ERBB4: variants seen among roughly 807,000 people sequenced by gnomAD.
ERBB4 encodes erb-b2 receptor tyrosine kinase 4, also known as receptor tyrosine-protein kinase erbB-4.
ERBB4 carries 42 observed loss-of-function variants against 158.0 expected under a neutral mutation model. The ratio of observed to expected loss-of-function variants is 0.27; its 90% confidence interval spans 0.21 to 0.34. The LOEUF (loss-of-function observed/expected upper bound fraction) is 0.34. ERBB4 is among the 10% of genes least tolerant of loss of function. The pLI is 1.00. For synonymous variants in ERBB4, 583 were observed against 558.7 expected (o/e 1.04, Z -0.61); for missense variants, 1,333 against 1,624.1 (o/e 0.82, Z 3.08).
intron 3 of ERBB4, among the ~76,000 whole-genome samples, chr2:211,852,021 A>G (rs968591667): frequency 1.3e-5 from 2 of 151,970 alleles, no homozygotes; most frequent in South Asian, 2.1e-4. Flanking sequence ...AAGCTTCAAC[A>G]TGAATTTATA....
At chr2:211,526,577 C>G (rs112621582) in intron 20 of ERBB4, among the ~76,000 whole-genome samples, 1 of 151,972 alleles carries the variant, frequency 6.6e-6, no homozygotes, top group Admixed American at 6.6e-5. Context: ...AGACAGTGAT[C>G]CCACCAAATA....
chr2:212,513,214 T>C (rs939477070), intron 1 of ERBB4, among the ~76,000 whole-genome samples: 3 of 152,324 alleles, frequency 2.0e-5, no homozygotes, highest in South Asian at 4.1e-4. Flanking sequence ...TTTACTGGTA[T>C]GGAAGTAGCC....
At chr2:211,764,753 G>A (rs1316903693) in intron 4 of ERBB4, among the ~76,000 whole-genome samples, 4 of 151,464 alleles carry the variant, frequency 2.6e-5, no homozygotes, top group African/African-American at 9.7e-5. Context: ...AAGGAGGGAA[G>A]AGCACCCAAA....
At chr2:211,949,338 T>C (rs1286319834) in intron 2 of ERBB4, among the ~76,000 whole-genome samples, 4 of 152,196 alleles carry the variant, frequency 2.6e-5, no homozygotes, top group Non-Finnish European at 5.9e-5. Flanking sequence ...AAAATACTTT[T>C]ACTGATGTAT....
Position 211,954,719 on chromosome 2 carries a change from G to A in ERBB4, c.235-7103C>T, listed in dbSNP as rs1394981827. On this transcript the variant is annotated intron_variant, in intron 2 of 27. Transcript: ENST00000342788. The stretch of plus-strand genomic sequence containing the variant: ...CTGCAGAATTTATGTGTTCTCTGAC[G>A]GTGACAAATGTAGTAGCAAATTGTA... Among the ~76,000 whole-genome samples the A allele has an allele frequency of 2.0e-5, 3 of 151,940 alleles. No individual in the cohort carries two copies. In the Admixed American group the frequency reaches 2.0e-4, roughly 10 times the overall value.
intron 27 of ERBB4, among the ~76,000 whole-genome samples, chr2:211,386,140 C>G (rs1289525338): frequency 6.6e-6 from 1 of 152,154 alleles, no homozygotes; most frequent in East Asian, 1.9e-4. Flanking sequence ...TCTATCTTCT[C>G]TGTTGTGATA....
chr2:212,402,924 T>C (rs1285509223), intron 1 of ERBB4, among the ~76,000 whole-genome samples: 1 of 152,140 alleles, frequency 6.6e-6, no homozygotes, highest in Non-Finnish European at 1.5e-5. Context: ...TACCAGCATA[T>C]GTACTTTGTT....
At chr2:211,978,396 G>GTCTTTCTATCTATCTA (rs77259627) in intron 2 of ERBB4, among the ~76,000 whole-genome samples, 2,885 of 136,632 alleles carry the variant, frequency 0.021, 51 homozygotes, top group African/African-American at 0.042. Context: ...CTGTCTGTCT[G>GTCTTTCTATCTATCTA]TCTATCTATC....
intron 5 of ERBB4, among the ~76,000 whole-genome samples, chr2:211,727,913 T>C (rs1187721680): frequency 1.3e-5 from 2 of 151,974 alleles, no homozygotes; most frequent in African/African-American, 2.4e-5. Context: ...ATAGAAGATT[T>C]GGAAAATAAT....
intron 2 of ERBB4, among the ~76,000 whole-genome samples, chr2:212,120,891 A>G (rs1575662395): frequency 6.6e-6 from 1 of 152,298 alleles, no homozygotes; most frequent in East Asian, 1.9e-4. Flanking sequence ...TTTGAAACTT[A>G]TAGGAAATAA....
chr2:212,391,731 A>AATAT (rs1491226833), intron 1 of ERBB4, among the ~76,000 whole-genome samples: 32 of 139,606 alleles, frequency 2.3e-4, no homozygotes, highest in African/African-American at 8.9e-4. Flanking sequence ...TATTATATAT[A>AATAT]TGACATATAT....
At chr2:212,522,800 G>A (rs1282750134) in intron 1 of ERBB4, among the ~76,000 whole-genome samples, 1 of 151,976 alleles carries the variant, frequency 6.6e-6, no homozygotes, top group East Asian at 1.9e-4. Flanking sequence ...ACATAACTGA[G>A]TCTCATTTTC....
At chr2:211,962,939 C>A (rs898887436) in intron 2 of ERBB4, among the ~76,000 whole-genome samples, 1 of 152,078 alleles carries the variant, frequency 6.6e-6, no homozygotes, top group African/African-American at 2.4e-5. Flanking sequence ...TTCTTTTTTA[C>A]AAATTCTTTT....
chr2:211,701,526 G>A (rs945610892), intron 12 of ERBB4, among the ~76,000 whole-genome samples: 1 of 151,822 alleles, frequency 6.6e-6, no homozygotes, highest in African/African-American at 2.4e-5. Context: ...GGAGGCCAAG[G>A]TGGGCGGATC....
intron 16 of ERBB4, among the ~76,000 whole-genome samples, chr2:211,642,371 C>T (rs148536901): frequency 2.0e-5 from 3 of 151,988 alleles, no homozygotes; most frequent in African/African-American, 7.2e-5. Context: ...CCTTGAAAGC[C>T]ATCCTTTCCC....
intron 2 of ERBB4, among the ~76,000 whole-genome samples, chr2:212,116,227 A>T (rs890563910): frequency 6.6e-6 from 1 of 151,506 alleles, no homozygotes; most frequent in Non-Finnish European, 1.5e-5. Flanking sequence ...TACTATACTT[A>T]TATGTATATC....
chr2:212,477,865 G>A (rs1392281974), intron 1 of ERBB4, among the ~76,000 whole-genome samples: 1 of 152,092 alleles, frequency 6.6e-6, no homozygotes, highest in African/African-American at 2.4e-5. Flanking sequence ...TTGAGGACAG[G>A]AAACAGATAA....
intron 1 of ERBB4, among the ~76,000 whole-genome samples, chr2:212,198,905 CATCTGTTGAT>C (rs1363808593): frequency 1.3e-5 from 2 of 151,934 alleles, no homozygotes; most frequent in Non-Finnish European, 2.9e-5. Context: ...TTTATCCCTT[CATCTGTTGAT>C]GTTTATTGGG....
intron 16 of ERBB4, among the ~76,000 whole-genome samples, chr2:211,644,466 C>T (rs2070713888): frequency 1.3e-5 from 2 of 151,082 alleles, no homozygotes; most frequent in African/African-American, 2.4e-5. Context: ...AAAAAAAAAT[C>T]GAACCTAAGC....
Sources: allele counts gnomAD v4.1 joint callset (sites outside exome capture counted in the v4.1 genomes callset), GRCh38; gene constraint gnomAD v4.1.1; transcripts MANE v1.5; gene names NCBI Gene and HGNC (gene_info 2026-07-23, HGNC 2026-07-21).